TFIP11: variants seen among roughly 807,000 people sequenced by gnomAD.
The protein encoded by TFIP11 is tuftelin interacting protein 11.
TFIP11 carries 86 observed loss-of-function variants against 96.8 expected under a neutral mutation model. The observed-to-expected ratio is 0.89, with a 90% CI of 0.75 to 1.06. The LOEUF is 1.06. Among genes scored for constraint, TFIP11 ranks in the 50% least tolerant of loss-of-function variants. TFIP11 has a pLI of 0.00. For missense variants in TFIP11, 881 were observed against 1,076.7 expected (o/e 0.82, Z 2.54); for synonymous variants, 405 against 395.2 (o/e 1.02, Z -0.29).
chr22:26,504,620 A>G (rs907802426), intron 6 of TFIP11, among the ~76,000 whole-genome samples: 2 of 152,130 alleles, frequency 1.3e-5, no homozygotes. Flanking sequence ...AGCTATGATC[A>G]TGCCATGCCA....
intron 12 of TFIP11, among the ~76,000 whole-genome samples, chr22:26,495,424 C>T (rs1921829908): frequency 6.6e-6 from 1 of 151,568 alleles, no homozygotes; most frequent in Admixed American, 6.6e-5. Context: ...ACGACAGGCG[C>T]CCGCCACCAC....
At chr22:26,508,775 G>A (rs1923713340) in intron 4 of TFIP11, among the ~76,000 whole-genome samples, 1 of 151,972 alleles carries the variant, frequency 6.6e-6, no homozygotes, top group Admixed American at 6.6e-5. Context: ...AATCCAGGAG[G>A]CAGAGGTTGC....
intron 14 of TFIP11, 164 bp from the exon 15 acceptor site, chr22:26,492,532 C>A: frequency 1.6e-6 from 1 of 624,576 alleles, no homozygotes. Flanking sequence ...GACGACTGGC[C>A]AGTATCACAT....
chr22:26,508,444 T>C (rs1382033962), intron 4 of TFIP11, among the ~76,000 whole-genome samples: 1 of 152,220 alleles, frequency 6.6e-6, no homozygotes, highest in Non-Finnish European at 1.5e-5. Flanking sequence ...ATTATTATTA[T>C]CTTATGATTA....
intron 7 of TFIP11, among the ~76,000 whole-genome samples, 158 bp downstream of exon 7, chr22:26,503,508 T>C (rs134136): frequency 0.66 from 100,578 of 152,016 alleles, 33,615 homozygotes; most frequent in African/African-American, 0.74. Flanking sequence ...CTGTCCACCC[T>C]AGCCCTCTCA....
chr22:26,497,634 C>G (rs1284776005), intron 10 of TFIP11, among the ~76,000 whole-genome samples: 1 of 152,154 alleles, frequency 6.6e-6, no homozygotes, highest in Non-Finnish European at 1.5e-5. Context: ...TTCCAGCACT[C>G]TGGGAGGCCA....
intron 12 of TFIP11, among the ~76,000 whole-genome samples, chr22:26,495,688 G>A (rs1373962405): frequency 3.3e-5 from 5 of 150,768 alleles, no homozygotes; most frequent in South Asian, 4.2e-4. Context: ...ATATATGTGT[G>A]TGTGTGTGTG....
intron 10 of TFIP11, chr22:26,498,585 T>A: frequency 7.5e-6 from 2 of 266,786 alleles, no homozygotes; most frequent in Non-Finnish European, 1.4e-5. Context: ...ATTCAATGTA[T>A]ACTTCTCAGG....
intron 6 of TFIP11, 56 bp from the exon 7 acceptor site, chr22:26,503,849 T>C (rs1923098843): frequency 1.3e-6 from 2 of 1,595,970 alleles, no homozygotes; most frequent in Non-Finnish European, 1.7e-6. Flanking sequence ...AATTCATGTA[T>C]GTGAATCAGC....
intron 13 of TFIP11, 196 bp from the exon 14 acceptor site, chr22:26,494,500 A>C: frequency 1.4e-6 from 1 of 729,740 alleles, no homozygotes; most frequent in African/African-American, 1.8e-5. Flanking sequence ...GTGCCCTTGC[A>C]TGTAAACTCT....
intron 3 of TFIP11, 35 bp from the exon 4 acceptor site, chr22:26,510,316 G>T: frequency 1.3e-6 from 2 of 1,596,154 alleles, no homozygotes; most frequent in South Asian, 1.1e-5. Context: ...CAGGCCGTAA[G>T]TCCTGGGGGC....
In TFIP11 at chr22:26,494,142, C is replaced by T. The variant is rs140942811; in HGVS notation, c.2155G>A (p.Val719Ile). 3 of 1,613,744 alleles carry T rather than the reference C, an allele frequency of 1.9e-6. No individual in the cohort carries two copies. The highest frequency in any genetic ancestry group is 8.5e-7 in the Non-Finnish European group (1 of 1,179,684). The change falls in exon 14 of 15, where the codon GTT becomes ATT. Residue 719 changes from valine to isoleucine, a missense_variant. Val to Ile is a conservative substitution (Grantham distance 29, BLOSUM62 3). Transcript: ENST00000407690. ...DIMNRAVSSN[V>I]GAYMQPGARE... ...CAAAATGGGAATCCTCACTTACCAA[C>T]GTTGGAGGACACCGCCCGGTTCATG...
rs759465812 is a variant in TFIP11, at chr22:26,510,132, T to C, written c.141A>G (p.Glu47=). 2.4e-5 allele frequency: 39 copies of C among 1,614,210 alleles called. No individual in the cohort carries two copies. The highest frequency in any genetic ancestry group is 3.2e-5 in the Non-Finnish European group (38 of 1,180,038). Residue 47 remains glutamate (E), a synonymous_variant, in exon 4 of 15, where the codon GAA becomes GAG. Transcript: ENST00000407690. The part of the protein sequence containing the change: ...PNRQRHWQTK[E]EATYGVWAER... ...CTGCCCACACCCCGTAGGTGGCTTC[T>C]TCCTTGGTCTGCCAGTGGCGCTGTC...
intron 11 of TFIP11, 50 bp from the exon 12 acceptor site, chr22:26,496,366 A>G (rs1395552458): frequency 4.5e-6 from 7 of 1,547,640 alleles, no homozygotes; most frequent in African/African-American, 1.4e-5. Context: ...GGGCAGTCAC[A>G]TAACACCCCT....
chr22:26,510,137 T>C lies in TFIP11; in HGVS notation c.136A>G (p.Lys46Glu). The C allele has an allele frequency of 6.2e-7, 1 of 1,614,182 alleles. No individual in the cohort carries two copies. Among genetic ancestry groups the C allele is most frequent in the Non-Finnish European group, 8.5e-7 (1 of 1,180,028 alleles). The change falls in exon 4 of 15, where the codon AAG (lysine) becomes GAG (glutamate). Residue 46 changes from lysine to glutamate, a missense_variant. Transcript: ENST00000407690. ...CACACCCCGTAGGTGGCTTCTTCCT[T>C]GGTCTGCCAGTGGCGCTGTCGGTTG... ...NPNRQRHWQT[K>E]EEATYGVWAE...
chr22:26,491,574 A>G lies in TFIP11; in HGVS notation c.*439T>C, dbSNP rs200936174. ...TGTGCAAAAGCTAGAACAGCTCTCC[A>G]TAGATATTTGGGAGTTTCGGGAAGA... On this transcript the variant is annotated 3_prime_UTR_variant, in exon 15 of 15. Coordinates refer to ENST00000407690, the MANE Select transcript of TFIP11 (RefSeq NM_012143.4). The G allele has an allele frequency of 3.5e-5, 57 of 1,614,048 alleles. No individual in the cohort carries two copies. The highest frequency in any genetic ancestry group is 3.3e-4 in the African/African-American group (25 of 74,938).
intron 12 of TFIP11, 139 bp downstream of exon 12, chr22:26,495,934 T>TA (rs1273936598): frequency 2.3e-6 from 3 of 1,304,616 alleles, no homozygotes; most frequent in Non-Finnish European, 3.1e-6. Context: ...AACAAAATGT[T>TA]ACCTTTTTCA....
intron 9 of TFIP11, 26 bp from the exon 10 acceptor site, chr22:26,499,001 G>A (rs773223710): frequency 6.2e-7 from 1 of 1,612,602 alleles, no homozygotes; most frequent in Admixed American, 1.7e-5. Flanking sequence ...AGCAGTTGAG[G>A]GGCAGCGGGC....
Position 26,498,977 on chromosome 22 carries a change from TGAG to T in TFIP11, c.1330-5_1330-3del. On this transcript the variant is annotated splice_polypyrimidine_tract_variant and splice_region_variant and intron_variant, in intron 9 of 14. Transcript: ENST00000407690. ...GATCTCGGTGCCATAAGTGCAGTCCTGAGGAGAAAGGTGAGCAGTTGAGGGGCA... is the reference window on the plus strand; with the variant it reads ...GATCTCGGTGCCATAAGTGCAGTCCTGAGAAAGGTGAGCAGTTGAGGGGCA... 12 of 1,613,628 alleles carry T rather than the reference TGAG, an allele frequency of 7.4e-6. No individual in the cohort carries two copies. In the South Asian group the frequency reaches 7.7e-5, roughly 10 times the overall value.
Sources: gnomAD v4.1 joint callset for allele counts (sites outside exome capture counted in the v4.1 genomes callset) on GRCh38, gnomAD v4.1.1 for gene constraint, MANE v1.5 for transcripts, NCBI Gene and HGNC (gene_info 2026-07-23, HGNC 2026-07-21) for gene names.